ZC3H12B: variants seen among roughly 807,000 people sequenced by gnomAD.
ZC3H12B encodes the protein probable ribonuclease ZC3H12B.
Under a neutral mutation model 43.9 loss-of-function variants are expected in ZC3H12B, and 7 were observed. The observed-to-expected ratio is 0.16, with a 90% CI of 0.09 to 0.30. The LOEUF is 0.30. Among genes scored for constraint, ZC3H12B ranks in the 10% least tolerant of loss-of-function variants. The probability of loss-of-function intolerance (pLI) is 1.00; values close to 1 mark genes in which losing one functional copy is unlikely to be tolerated. For synonymous variants in ZC3H12B, 222 were observed against 241.7 expected (o/e 0.92, Z 0.76); for missense variants, 475 against 670.2 (o/e 0.71, Z 3.22).
At chrX:65,416,927 A>G (rs1244101782) in intron 3 of ZC3H12B, among the ~76,000 whole-genome samples, 1 of 112,048 alleles carries the variant, frequency 8.9e-6, no homozygotes, top group African/African-American at 3.2e-5. Context: ...TTGCCTGACT[A>G]TACTTGTTTA....
At chrX:65,213,281 A>C in the ZC3H12B span, among the ~76,000 whole-genome samples, 1 of 110,308 alleles carries the variant, frequency 9.1e-6, no homozygotes, top group African/African-American at 3.3e-5. Flanking sequence ...TATCTACCAC[A>C]TTTTATTTAT....
At chrX:65,294,319 C>G in the ZC3H12B span, among the ~76,000 whole-genome samples, 1 of 111,692 alleles carries the variant, frequency 9.0e-6, no homozygotes, top group Admixed American at 9.6e-5. Context: ...GAATTCACCA[C>G]TACCAAGCCA....
chrX:65,160,819 C>G, the ZC3H12B span, among the ~76,000 whole-genome samples: 5 of 111,016 alleles, frequency 4.5e-5, no homozygotes, highest in African/African-American at 1.6e-4. Context: ...AATGTGTTTG[C>G]TCTTGCTTTT....
the ZC3H12B span, chrX:65,356,877 C>T: frequency 2.9e-6 from 1 of 340,785 alleles, no homozygotes; most frequent in Non-Finnish European, 5.6e-6. Context: ...AGTGAGATAC[C>T]ATGTTAACTC....
the ZC3H12B span, among the ~76,000 whole-genome samples, chrX:65,099,903 G>A: frequency 8.9e-6 from 1 of 111,766 alleles, no homozygotes; most frequent in Non-Finnish European, 1.9e-5. Flanking sequence ...GACAGAAGTA[G>A]GCTTCAGAAA....
At chrX:65,431,686 A>G (rs2067163630) in intron 3 of ZC3H12B, among the ~76,000 whole-genome samples, 1 of 112,034 alleles carries the variant, frequency 8.9e-6, no homozygotes, top group Admixed American at 9.5e-5. Flanking sequence ...ATTCCGAGAG[A>G]TTTATCTATG....
At chrX:65,292,725 C>A in the ZC3H12B span, among the ~76,000 whole-genome samples, 23 of 110,896 alleles carry the variant, frequency 2.1e-4, no homozygotes, top group Admixed American at 1.8e-3. Flanking sequence ...TGGCTTATTC[C>A]TGTTATCCCA....
At chrX:65,482,882 G>GA (rs993886913) in intron 3 of ZC3H12B, among the ~76,000 whole-genome samples, 7 of 111,561 alleles carry the variant, frequency 6.3e-5, no homozygotes, top group East Asian at 2.8e-4. Flanking sequence ...TTGAAGTCCT[G>GA]AAAAAAATGA....
chrX:65,308,911 G>A, the ZC3H12B span, among the ~76,000 whole-genome samples: 5 of 111,817 alleles, frequency 4.5e-5, no homozygotes, highest in East Asian at 1.4e-3. Context: ...CAAAATGAAG[G>A]CAGAAATAAA....
the ZC3H12B span, among the ~76,000 whole-genome samples, chrX:65,236,835 T>G: frequency 8.9e-6 from 1 of 112,115 alleles, no homozygotes; most frequent in Non-Finnish European, 1.9e-5. Flanking sequence ...TTCGTCAGGT[T>G]TGTCATAGAT....
chrX:65,058,952 C>T, the ZC3H12B span, among the ~76,000 whole-genome samples: 4 of 111,900 alleles, frequency 3.6e-5, no homozygotes, highest in African/African-American at 1.3e-4. Context: ...TGGAGTGACC[C>T]GATTTTCCAG....
chrX:65,398,956 G>C (rs887268313), intron 3 of ZC3H12B, among the ~76,000 whole-genome samples: 2 of 111,814 alleles, frequency 1.8e-5, no homozygotes. Context: ...GTGGTGTTAA[G>C]AAAACCAGAT....
At chrX:65,192,527 G>A in the ZC3H12B span, among the ~76,000 whole-genome samples, 6 of 110,852 alleles carry the variant, frequency 5.4e-5, no homozygotes, top group African/African-American at 9.8e-5. Context: ...TGTTTATTCT[G>A]TACCCAGTTT....
the ZC3H12B span, among the ~76,000 whole-genome samples, chrX:65,081,372 C>T: frequency 1.8e-5 from 2 of 110,737 alleles, no homozygotes; most frequent in African/African-American, 6.6e-5. Context: ...ATCCATTGAT[C>T]GGTTGCTTAC....
rs149669013 is a variant in ZC3H12B, at chrX:65,401,818, T to A, written n.407+3114T>A. Among the ~76,000 whole-genome samples, 43 of 111,612 alleles carry A rather than the reference T, an allele frequency of 3.9e-4. No individual in the cohort carries two copies. In the East Asian group the frequency reaches 0.011, roughly 29 times the overall value. ...CAGGCTCTAGTTTCCTGACGACATC[T>A]CAAGACATGCCCTGAGCCAGAAAGG... is the stretch of plus-strand genomic sequence containing the variant. On this transcript the variant is annotated intron_variant and non_coding_transcript_variant, in intron 3 of 5. Coordinates refer to the ZC3H12B transcript ENST00000617377.
the ZC3H12B span, among the ~76,000 whole-genome samples, chrX:65,223,789 G>C: frequency 4.5e-5 from 5 of 111,886 alleles, no homozygotes; most frequent in Non-Finnish European, 9.4e-5. Context: ...ATTCCTTCAA[G>C]ATCGGCCATA....
the ZC3H12B span, among the ~76,000 whole-genome samples, chrX:65,149,842 C>T: frequency 9.3e-6 from 1 of 107,686 alleles, no homozygotes; most frequent in African/African-American, 3.3e-5. Context: ...TTATGGGCAT[C>T]TGCAGTAACT....
At chrX:65,228,374 G>T in the ZC3H12B span, among the ~76,000 whole-genome samples, 1 of 111,273 alleles carries the variant, frequency 9.0e-6, no homozygotes, top group Admixed American at 9.6e-5. Context: ...GGTATTGATG[G>T]GACGTATCTC....
chrX:65,307,350 C>A, the ZC3H12B span, among the ~76,000 whole-genome samples: 2 of 111,194 alleles, frequency 1.8e-5, no homozygotes, highest in Non-Finnish European at 3.8e-5. Context: ...CCCTCAAATG[C>A]CTAAGGTTTA....
Sources: allele counts gnomAD v4.1 joint callset (sites outside exome capture counted in the v4.1 genomes callset), GRCh38; gene constraint gnomAD v4.1.1; transcripts MANE v1.5; gene names NCBI Gene and HGNC (gene_info 2026-07-23, HGNC 2026-07-21).